The following DOCK2 variants were observed in gnomAD, a reference collection of about 807,000 sequenced individuals.
DOCK2 encodes the protein dedicator of cytokinesis protein 2.
A neutral mutation model predicts 248.9 loss-of-function variants in DOCK2; 87 were observed. The observed-to-expected ratio is 0.35, with a 90% CI of 0.29 to 0.42. The LOEUF (loss-of-function observed/expected upper bound fraction) is 0.42. Among genes scored for constraint, DOCK2 ranks in the 10% least tolerant of loss-of-function variants. The pLI is 1.00. For synonymous variants in DOCK2, 805 were observed against 821.6 expected (o/e 0.98, Z 0.35); for missense variants, 1,747 against 2,300.2 (o/e 0.76, Z 4.92).
chr5:169,860,921 C>T (rs537309900), intron 27 of DOCK2, among the ~76,000 whole-genome samples: 12 of 152,264 alleles, frequency 7.9e-5, no homozygotes, highest in African/African-American at 2.2e-4. Context: ...ATTTTTGGAA[C>T]ATGATATTGT....
intron 10 of DOCK2, among the ~76,000 whole-genome samples, chr5:169,697,764 G>A (rs1031189460): frequency 1.3e-5 from 2 of 152,080 alleles, no homozygotes; most frequent in African/African-American, 4.8e-5. Flanking sequence ...GATTGGAGTA[G>A]CTTTTCTCAG....
At chr5:169,805,270 C>T (rs1351780203) in intron 26 of DOCK2, among the ~76,000 whole-genome samples, 4 of 150,874 alleles carry the variant, frequency 2.7e-5, no homozygotes, top group Non-Finnish European at 4.4e-5. Flanking sequence ...GGTGTGGTGG[C>T]ATGTACCTAT....
chr5:169,917,449 C>A (rs752821713), intron 27 of DOCK2, among the ~76,000 whole-genome samples: 5 of 152,098 alleles, frequency 3.3e-5, no homozygotes, highest in Non-Finnish European at 7.4e-5. Context: ...AGCTCTAGTG[C>A]TTTTTAATTA....
chr5:170,018,874 C>CTTTTTTTTTTT, intron 32 of DOCK2, 86 bp from the exon 33 acceptor site: 9 of 1,510,066 alleles, frequency 6.0e-6, no homozygotes, highest in Admixed American at 4.2e-5. Flanking sequence ...TTATGCTTCC[C>CTTTTTTTTTTT]TTTTTTTCTT....
intron 9 of DOCK2, among the ~76,000 whole-genome samples, chr5:169,692,594 A>G (rs1204179539): frequency 1.3e-5 from 2 of 152,070 alleles, no homozygotes; most frequent in Non-Finnish European, 2.9e-5. Context: ...CCTTTGAGCA[A>G]GTAAAAAATT....
intron 27 of DOCK2, chr5:169,883,032 G>A: frequency 6.4e-7 from 1 of 1,551,638 alleles, no homozygotes; most frequent in Non-Finnish European, 8.7e-7. Context: ...GTGAGCCAAG[G>A]TCTTTGTCAT....
At chr5:169,946,230 T>C (rs1440547089) in intron 27 of DOCK2, among the ~76,000 whole-genome samples, 3 of 152,176 alleles carry the variant, frequency 2.0e-5, no homozygotes, top group African/African-American at 7.2e-5. Context: ...TGTAGGATTA[T>C]TCTGGACTGC....
rs146673956 is a variant in DOCK2 at position 169,986,670 on chromosome 5, C to T, written c.2993+748C>T. Among the ~76,000 whole-genome samples, 144 of 152,306 alleles carry T rather than the reference C, an allele frequency of 9.5e-4. 4 individuals are homozygous for T. In the East Asian group the frequency reaches 0.023, roughly 24 times the overall value. ...CTAATATTCCTTGGATTTCCCCAAGCCTCTCTCAGAACCTGATTCTCAAAT... is the reference window on the plus strand; with the variant it reads ...CTAATATTCCTTGGATTTCCCCAAGTCTCTCTCAGAACCTGATTCTCAAAT... On this transcript the variant is annotated intron_variant, in intron 29 of 51. Coordinates refer to ENST00000520908, the MANE Select transcript of DOCK2 (RefSeq NM_004946.3).
chr5:169,870,372 A>T (rs775334717), intron 27 of DOCK2, among the ~76,000 whole-genome samples: 1 of 152,144 alleles, frequency 6.6e-6, no homozygotes, highest in African/African-American at 2.4e-5. Context: ...GGAAGAAGAA[A>T]CAGTGAGTAA....
intron 22 of DOCK2, among the ~76,000 whole-genome samples, chr5:169,721,106 T>G (rs1343846554): frequency 6.6e-6 from 1 of 152,256 alleles, no homozygotes; most frequent in East Asian, 1.9e-4. Context: ...TTTGTTTTGC[T>G]CTTCTCTGCC....
intron 41 of DOCK2, among the ~76,000 whole-genome samples, chr5:170,052,785 C>T (rs1011855546): frequency 2.0e-5 from 3 of 152,186 alleles, no homozygotes; most frequent in African/African-American, 7.2e-5. Context: ...TTTTACCCTC[C>T]AATACTTATA....
chr5:169,810,989 T>TCACACACACACACACACACA (rs55987604), intron 26 of DOCK2, among the ~76,000 whole-genome samples: 1 of 97,216 alleles, frequency 1.0e-5, no homozygotes, highest in African/African-American at 3.3e-5. Flanking sequence ...TCTCTCTCTC[T>TCACACACACACACACACACA]CACACACACA....
chr5:169,847,649 T>C (rs1325792480), intron 27 of DOCK2, among the ~76,000 whole-genome samples: 1 of 152,192 alleles, frequency 6.6e-6, no homozygotes, highest in Non-Finnish European at 1.5e-5. Flanking sequence ...CAATTCCTAT[T>C]CTCTTTTTCT....
Position 170,055,085 on chromosome 5 carries a change from G to A in DOCK2, c.4214-220G>A, listed in dbSNP as rs985432192. Among the ~76,000 whole-genome samples the A allele has an allele frequency of 3.3e-5, 5 of 152,186 alleles. No individual in the cohort carries two copies. In the South Asian group the frequency reaches 1.0e-3, roughly 32 times the overall value. The stretch of plus-strand genomic sequence containing the variant: ...CCACTAGACAACTCTGTTTGTAGGG[G>A]CTGAGCCCTGGCATAAGGTTGCAGG... On this transcript the variant is annotated intron_variant, in intron 41 of 51. Transcript: ENST00000520908.
At chr5:169,838,096 T>C (rs371864214) in intron 26 of DOCK2, among the ~76,000 whole-genome samples, 18 of 152,238 alleles carry the variant, frequency 1.2e-4, no homozygotes, top group African/African-American at 4.3e-4. Flanking sequence ...ATTGAAGATT[T>C]TATAAAAGGC....
intron 30 of DOCK2, among the ~76,000 whole-genome samples, chr5:169,997,385 C>T (rs1561873022): frequency 2.0e-5 from 3 of 147,998 alleles, no homozygotes; most frequent in Non-Finnish European, 4.4e-5. Flanking sequence ...AAGAGACATT[C>T]CTTCCTCTTT....
intron 23 of DOCK2, among the ~76,000 whole-genome samples, chr5:169,747,740 T>C (rs190270326): frequency 6.6e-6 from 1 of 152,290 alleles, no homozygotes; most frequent in East Asian, 1.9e-4. Context: ...TTTTGTTACC[T>C]AGAAGGAAAT....
chr5:169,686,856 A>G (rs968774225), intron 8 of DOCK2, among the ~76,000 whole-genome samples: 6 of 152,184 alleles, frequency 3.9e-5, no homozygotes, highest in African/African-American at 1.4e-4. Flanking sequence ...AAAGAGAAGC[A>G]GTTCAGGTAT....
At chr5:169,993,565 G>GTT (rs1778262715) in intron 29 of DOCK2, among the ~76,000 whole-genome samples, 1 of 152,026 alleles carries the variant, frequency 6.6e-6, no homozygotes, top group African/African-American at 2.4e-5. Context: ...GTGTGTGTGT[G>GTT]TGTGTGTGTG....
Sources: gnomAD v4.1 joint callset for allele counts (sites outside exome capture counted in the v4.1 genomes callset) on GRCh38, gnomAD v4.1.1 for gene constraint, MANE v1.5 for transcripts, NCBI Gene and HGNC (gene_info 2026-07-23, HGNC 2026-07-21) for gene names.